Variants in PCDH15 observed in about 807,000 individuals in gnomAD.
PCDH15 encodes protocadherin related 15, also known as protocadherin-15.
PCDH15 carries 129 observed loss-of-function variants against 178.5 expected under a neutral mutation model. The observed-to-expected ratio is 0.72, with a 90% CI of 0.63 to 0.84. The LOEUF is 0.84. Ranked by LOEUF, PCDH15 falls within the 40% of genes least tolerant of loss-of-function variation. The pLI, the probability that PCDH15 is intolerant of heterozygous loss-of-function variation, is 0.00. For missense variants in PCDH15, 2,230 were observed against 2,099.9 expected (o/e 1.06, Z -1.21); for synonymous variants, 800 against 732.0 (o/e 1.09, Z -1.50).
intron 2 of PCDH15, among the ~76,000 whole-genome samples, chr10:55,459,426 A>G (rs1213089046): frequency 6.6e-6 from 1 of 152,070 alleles, no homozygotes; most frequent in Non-Finnish European, 1.5e-5. Flanking sequence ...CTGTAGTGCT[A>G]AGCAGAGGTC....
At chr10:55,297,890 T>C (rs1337465630) in intron 1 of PCDH15, among the ~76,000 whole-genome samples, 21 of 152,130 alleles carry the variant, frequency 1.4e-4, no homozygotes, top group Non-Finnish European at 1.5e-5. Context: ...ATCATAGATA[T>C]TTGCTCTCCA....
chr10:54,864,121 G>A (rs981798938), intron 3 of PCDH15, among the ~76,000 whole-genome samples: 3 of 152,074 alleles, frequency 2.0e-5, no homozygotes, highest in Non-Finnish European at 4.4e-5. Flanking sequence ...AGGATATTTG[G>A]CCATATATAA....
chr10:53,833,671 G>A (rs10763011), intron 29 of PCDH15, among the ~76,000 whole-genome samples: 57,405 of 151,786 alleles, frequency 0.38, 11,602 homozygotes, highest in East Asian at 0.75. Context: ...ATTTTTGCCT[G>A]TAATATAATA....
chr10:54,702,066 C>T (rs529127464), intron 1 of PCDH15, among the ~76,000 whole-genome samples: 33 of 152,054 alleles, frequency 2.2e-4, no homozygotes, highest in Non-Finnish European at 4.0e-4. Flanking sequence ...ATAAGACAAT[C>T]CTCAGCATAT....
intron 2 of PCDH15, among the ~76,000 whole-genome samples, chr10:55,496,980 T>A (rs1326233123): frequency 2.0e-5 from 3 of 151,900 alleles, no homozygotes; most frequent in Admixed American, 6.6e-5. Flanking sequence ...GTAGTTTAGC[T>A]GGATTTATTT....
At chr10:54,141,473 A>C (rs1179881405) in intron 14 of PCDH15, among the ~76,000 whole-genome samples, 3 of 152,202 alleles carry the variant, frequency 2.0e-5, no homozygotes, top group African/African-American at 4.8e-5. Context: ...GTTTATTTCC[A>C]ATGTAATTCA....
chr10:55,185,896 T>C (rs1839787312), intron 1 of PCDH15, among the ~76,000 whole-genome samples: 2 of 151,812 alleles, frequency 1.3e-5, no homozygotes, highest in Admixed American at 1.3e-4. Flanking sequence ...TACATTTGAA[T>C]ATTTACATAT....
chr10:54,945,998 T>G (rs1838189763), intron 2 of PCDH15, among the ~76,000 whole-genome samples: 2 of 151,864 alleles, frequency 1.3e-5, no homozygotes, highest in Non-Finnish European at 2.9e-5. Context: ...GAATGTCAGT[T>G]AATTTACCCT....
intron 1 of PCDH15, among the ~76,000 whole-genome samples, chr10:54,774,007 CTTTTTTTTTTTTTTTTTTTTTTTT>C (rs763704132): frequency 5.3e-4 from 40 of 75,384 alleles, no homozygotes; most frequent in African/African-American, 1.6e-3. Flanking sequence ...ACTTCATAGG[CTTTTTTTTTTTTTTTTTTTTTTTT>C]TTTTTTTTTT....
intron 25 of PCDH15, chr10:53,907,112 A>G (rs892937483): frequency 6.6e-6 from 1 of 152,220 alleles, no homozygotes; most frequent in Non-Finnish European, 1.5e-5. Flanking sequence ...TACAATGTAC[A>G]TGACATCATC....
At chr10:54,840,730 A>T (rs749197493) in intron 3 of PCDH15, among the ~76,000 whole-genome samples, 16 of 151,898 alleles carry the variant, frequency 1.1e-4, no homozygotes, top group Admixed American at 6.6e-5. Flanking sequence ...AAATGGAAGG[A>T]ATATAAAGGA....
chr10:55,056,456 T>C (rs1489879491), intron 2 of PCDH15, among the ~76,000 whole-genome samples: 1 of 152,038 alleles, frequency 6.6e-6, no homozygotes, highest in East Asian at 1.9e-4. Context: ...AAAATTTTCA[T>C]TGAGTTACCA....
intron 1 of PCDH15, among the ~76,000 whole-genome samples, chr10:54,759,981 C>T (rs1021267013): frequency 2.6e-5 from 4 of 152,010 alleles, no homozygotes; most frequent in East Asian, 1.9e-4. Context: ...ATGTATAGGG[C>T]GAGTAAGAGT....
chr10:55,101,597 G>A (rs1779258), intron 2 of PCDH15, among the ~76,000 whole-genome samples: 67,516 of 151,244 alleles, frequency 0.45, 18,455 homozygotes, highest in African/African-American at 0.77. Flanking sequence ...ACCTAGGTAG[G>A]CTTAACCTTT....
intron 2 of PCDH15, among the ~76,000 whole-genome samples, chr10:55,018,177 T>G (rs959646331): frequency 6.6e-6 from 1 of 152,088 alleles, no homozygotes; most frequent in Non-Finnish European, 1.5e-5. Context: ...ATTTTAAGAT[T>G]AATTTTGCAT....
At chr10:55,558,994 C>T (rs1424840839) in intron 2 of PCDH15, among the ~76,000 whole-genome samples, 7 of 152,038 alleles carry the variant, frequency 4.6e-5, no homozygotes, top group South Asian at 4.1e-4. Flanking sequence ...ATAACATTAA[C>T]AGTTCTCTAG....
intron 2 of PCDH15, among the ~76,000 whole-genome samples, chr10:54,656,213 G>A (rs1342305249): frequency 6.6e-6 from 1 of 152,096 alleles, no homozygotes; most frequent in Non-Finnish European, 1.5e-5. Flanking sequence ...TGATCTGAAT[G>A]AAACACAGTC....
intron 2 of PCDH15, among the ~76,000 whole-genome samples, chr10:54,898,821 A>G (rs1275002347): frequency 6.6e-6 from 1 of 152,206 alleles, no homozygotes; most frequent in Non-Finnish European, 1.5e-5. Context: ...TCAGTATATC[A>G]TGTCCATTTA....
chr10:54,389,882 G>A (rs1950341647), intron 3 of PCDH15, among the ~76,000 whole-genome samples: 1 of 152,142 alleles, frequency 6.6e-6, no homozygotes, highest in Admixed American at 6.6e-5. Context: ...AGCCCAGGAG[G>A]CAGAGGTTGC....
Sources: gnomAD v4.1 joint callset for allele counts (sites outside exome capture counted in the v4.1 genomes callset) on GRCh38, gnomAD v4.1.1 for gene constraint, MANE v1.5 for transcripts, NCBI Gene and HGNC (gene_info 2026-07-23, HGNC 2026-07-21) for gene names.